The following DCLRE1C variants were observed in gnomAD, a reference collection of about 807,000 sequenced individuals.
DCLRE1C encodes the protein DNA cross-link repair 1C.
In DCLRE1C, 47 loss-of-function variants were observed where a neutral mutation model predicts 61.4. The ratio of observed to expected loss-of-function variants is 0.77; its 90% CI spans 0.61 to 0.98. DCLRE1C has a LOEUF of 0.98. Ranked by LOEUF, DCLRE1C falls within the 50% of genes least tolerant of loss-of-function variation. The probability of loss-of-function intolerance (pLI) is 0.00; values close to 1 mark genes in which losing one functional copy is unlikely to be tolerated. For synonymous variants in DCLRE1C, 337 were observed against 287.6 expected (o/e 1.17, Z -1.74); for missense variants, 858 against 816.0 (o/e 1.05, Z -0.63).
chr10:14,924,232 A>T (rs1385062195), intron 11 of DCLRE1C, among the ~76,000 whole-genome samples: 1 of 152,264 alleles, frequency 6.6e-6, no homozygotes, highest in Non-Finnish European at 1.5e-5. Flanking sequence ...TCCCATTCTT[A>T]TGTGGCCAGT....
chr10:14,902,619 A>G (rs932781206), downstream of DCLRE1C: 1 of 700,288 alleles, frequency 1.4e-6, no homozygotes, highest in Non-Finnish European at 2.2e-6. Flanking sequence ...ACCTATGTTA[A>G]TTTACAATTC....
exon 14 of DCLRE1C, chr10:14,899,195 C>G (rs1024152970): frequency 5.7e-6 from 4 of 701,922 alleles, no homozygotes; most frequent in Non-Finnish European, 1.0e-5. Flanking sequence ...GCGGTATGCA[C>G]CTGTGATCCA....
chr10:14,945,313 AC>A (rs764026095), intron 2 of DCLRE1C, 124 bp from the exon 3 acceptor site: 24 of 1,396,776 alleles, frequency 1.7e-5, no homozygotes, highest in Non-Finnish European at 2.2e-5. Flanking sequence ...ACATGGTGAA[AC>A]CCCATCCCTA....
intron 2 of DCLRE1C, chr10:14,945,438 T>C: frequency 3.3e-6 from 4 of 1,229,580 alleles, no homozygotes; most frequent in Non-Finnish European, 3.1e-6. Flanking sequence ...AACATACCTA[T>C]GCACACCATT....
Position 14,904,621 on chromosome 10 carries a change from T to G in DCLRE1C, c.*3787A>C, listed in dbSNP as rs1328705775. Among the ~76,000 whole-genome samples the G allele has an allele frequency of 2.0e-5, 3 of 152,160 alleles. No homozygotes were observed. The highest frequency in any genetic ancestry group is 6.5e-5 in the Admixed American group (1 of 15,276). The stretch of plus-strand genomic sequence containing the variant: ...TATTTTCAGTAAACATGTAGTTTTG[T>G]TTTGTCTTTATTGATAGAATGTAAT... On this transcript the variant is annotated 3_prime_UTR_variant, in exon 14 of 14. Transcript: ENST00000378278.
intron 12 of DCLRE1C, among the ~76,000 whole-genome samples, chr10:14,922,563 T>C (rs760239229): frequency 1.3e-5 from 2 of 152,180 alleles, no homozygotes; most frequent in African/African-American, 2.4e-5. Flanking sequence ...GCTTCAGTTA[T>C]CCATTCAGTA....
chr10:14,940,172 C>G (rs942950728), intron 3 of DCLRE1C, among the ~76,000 whole-genome samples: 1 of 152,134 alleles, frequency 6.6e-6, no homozygotes, highest in African/African-American at 2.4e-5. Flanking sequence ...CACTCCCATT[C>G]CCCTCTCTCT....
intron 4 of DCLRE1C, 144 bp downstream of exon 4, chr10:14,939,666 G>A: frequency 1.4e-6 from 1 of 711,594 alleles, no homozygotes; most frequent in Non-Finnish European, 2.3e-6. Flanking sequence ...TTTATTTATG[G>A]TTAAATGAGC....
chr10:14,934,621 A>T (rs1283214900), intron 7 of DCLRE1C, 82 bp downstream of exon 7: 58 of 1,612,454 alleles, frequency 3.6e-5, no homozygotes, highest in Non-Finnish European at 4.6e-5. Flanking sequence ...GACAGTTAGG[A>T]TATGACCTGT....
intron 12 of DCLRE1C, among the ~76,000 whole-genome samples, chr10:14,922,424 G>C (rs1482459301): frequency 6.7e-6 from 1 of 149,720 alleles, no homozygotes; most frequent in Admixed American, 6.6e-5. Context: ...CTGGGTGACA[G>C]AGTGAGACCC....
In DCLRE1C at chr10:14,908,548, T is replaced by C; in HGVS notation, c.1939A>G (p.Ser647Gly). ...GAGGGAACTTCAAAATCAGAAGAGC[T>C]CTGGGAATCTGCATTTGTGCTAAGA... ...LNLSTNADSQ[S>G]SSDFEVPSTP... The change falls in exon 14 of 14, where the codon AGC becomes GGC. Residue 647 changes from serine (S) to glycine (G), a missense_variant. Ser to Gly is a moderately conservative substitution (Grantham distance 56). Coordinates refer to ENST00000378278, the MANE Select transcript of DCLRE1C (RefSeq NM_001033855.3). 1.9e-6 allele frequency: 3 copies of C among 1,614,184 alleles called. No homozygotes were observed. The highest frequency in any genetic ancestry group is 2.5e-6 in the Non-Finnish European group (3 of 1,180,044).
At chr10:14,945,001 G>GATA (rs922648629) in intron 3 of DCLRE1C, 104 bp downstream of exon 3, 4 of 801,182 alleles carry the variant, frequency 5.0e-6, no homozygotes, top group Admixed American at 4.5e-5. Flanking sequence ...AATTAATGTG[G>GATA]ATAACTGAAG....
chr10:14,934,578 T>C, intron 7 of DCLRE1C, 58 bp from the exon 8 acceptor site: 2 of 1,614,006 alleles, frequency 1.2e-6, no homozygotes, highest in Non-Finnish European at 1.7e-6. Flanking sequence ...AGCCTTTTCC[T>C]TCCCAACAGT....
chr10:14,900,178 A>G (rs1412849870), downstream of DCLRE1C, among the ~76,000 whole-genome samples: 1 of 152,206 alleles, frequency 6.6e-6, no homozygotes, highest in Non-Finnish European at 1.5e-5. Flanking sequence ...ATAAATTAGT[A>G]TTCTTCCTTA....
intron 6 of DCLRE1C, among the ~76,000 whole-genome samples, chr10:14,935,072 C>T (rs1188338207): frequency 6.6e-6 from 1 of 151,968 alleles, no homozygotes; most frequent in African/African-American, 2.4e-5. Flanking sequence ...GATGCACCCA[C>T]CTCAGCCTCC....
chr10:14,944,751 T>C (rs1175605384), intron 3 of DCLRE1C, among the ~76,000 whole-genome samples: 1 of 150,468 alleles, frequency 6.6e-6, no homozygotes, highest in Admixed American at 6.7e-5. Context: ...CTCAGCTCAT[T>C]GCAACCATTG....
At chr10:14,915,279 A>G (rs1223411657) in intron 13 of DCLRE1C, among the ~76,000 whole-genome samples, 1 of 152,136 alleles carries the variant, frequency 6.6e-6, no homozygotes. Flanking sequence ...TAAAGATCAG[A>G]GTGGAATTCA....
intron 12 of DCLRE1C, among the ~76,000 whole-genome samples, chr10:14,922,161 C>A (rs1268931295): frequency 1.3e-5 from 2 of 152,202 alleles, no homozygotes; most frequent in Non-Finnish European, 2.9e-5. Context: ...CATTCATGGG[C>A]CGGGTGCAGT....
At chr10:14,909,388 T>A (rs745465649) in intron 13 of DCLRE1C, 58 bp from the exon 14 acceptor site, 126 of 1,468,878 alleles carry the variant, frequency 8.6e-5, no homozygotes, top group Non-Finnish European at 1.2e-4. Flanking sequence ...CAATTTGTAG[T>A]ATTTATCTGT....
Sources: allele counts gnomAD v4.1 joint callset (sites outside exome capture counted in the v4.1 genomes callset), GRCh38; gene constraint gnomAD v4.1.1; transcripts MANE v1.5; gene names NCBI Gene and HGNC (gene_info 2026-07-23, HGNC 2026-07-21).